The following FAN1 variants were observed in gnomAD, a reference collection of about 807,000 sequenced individuals.
FAN1 encodes the protein fanconi-associated nuclease 1.
FAN1 carries 91 observed loss-of-function variants against 104.9 expected under a neutral mutation model. The ratio of observed to expected loss-of-function variants is 0.87; its 90% CI spans 0.73 to 1.03. FAN1 has a LOEUF of 1.03. Among genes scored for constraint, FAN1 ranks in the 50% least tolerant of loss-of-function variants. The probability of loss-of-function intolerance (pLI) is 0.00; values close to 1 mark genes in which losing one functional copy is unlikely to be tolerated. For missense variants in FAN1, 1,263 were observed against 1,239.9 expected (o/e 1.02, Z -0.28); for synonymous variants, 478 against 457.6 (o/e 1.04, Z -0.57).
At chr15:30,904,325 C>T (rs764610848) in intron 1 of FAN1, among the ~76,000 whole-genome samples, 187 bp from the exon 2 acceptor site, 1 of 152,154 alleles carries the variant, frequency 6.6e-6, no homozygotes, top group Non-Finnish European at 1.5e-5. Flanking sequence ...AAGCCCAGCT[C>T]TGTCATTTTA....
chr15:30,906,027 T>A, intron 2 of FAN1, 130 bp downstream of exon 2: 1 of 811,524 alleles, frequency 1.2e-6, no homozygotes, highest in Non-Finnish European at 2.0e-6. Context: ...CCTGTGGGAG[T>A]GTTCATGGGA....
At chr15:30,906,410 A>G (rs2061980079) in intron 2 of FAN1, 3 of 456,696 alleles carry the variant, frequency 6.6e-6, no homozygotes, top group East Asian at 6.9e-5. Context: ...GTGTGGAGGA[A>G]ATGGAAACTT....
chr15:30,923,755 C>T (rs918320666), intron 8 of FAN1, among the ~76,000 whole-genome samples: 3 of 152,240 alleles, frequency 2.0e-5, no homozygotes, highest in Non-Finnish European at 4.4e-5. Context: ...TTCCTTCAGC[C>T]ACTCAACTCT....
Position 30,910,823 on chromosome 15 carries a change from T to G in FAN1, c.1577+8T>G. 1 of 1,612,632 alleles carries G rather than the reference T, an allele frequency of 6.2e-7. No homozygotes were observed. The highest frequency in any genetic ancestry group is 8.5e-7 in the Non-Finnish European group (1 of 1,179,118). On this transcript the variant is annotated splice_region_variant and intron_variant, in intron 4 of 14. Coordinates refer to ENST00000362065, the MANE Select transcript of FAN1 (RefSeq NM_014967.5). ...TGCAGTGATTTTAAAAAGGTTTTGTTGGCTATTGTTACAGTAAAAACATTT... is the reference window on the plus strand; with the variant it reads ...TGCAGTGATTTTAAAAAGGTTTTGTGGGCTATTGTTACAGTAAAAACATTT...
chr15:30,931,773 ATC>A (rs2062716304), intron 13 of FAN1, among the ~76,000 whole-genome samples: 1 of 151,974 alleles, frequency 6.6e-6, no homozygotes, highest in Non-Finnish European at 1.5e-5. Context: ...GGTTCCATTG[ATC>A]TGTTTGTCTG....
At position 30,921,287 on chromosome 15, in the gene FAN1, CT is replaced by C. The variant is rs1443101911; in HGVS notation, c.2052+637del. 2.0e-5 allele frequency among the ~76,000 whole-genome samples: 3 copies of C among 152,174 alleles called. No homozygotes were observed. In the East Asian group the frequency reaches 5.8e-4, roughly 29 times the overall value. ...AGGTCTGCAGCCTGAGCCTGAGTCT[CT>C]TTCAGAACTCCTTGTGAGACTTGGC... On this transcript the variant is annotated intron_variant, in intron 7 of 14. Transcript: ENST00000362065.
intron 13 of FAN1, among the ~76,000 whole-genome samples, chr15:30,936,050 A>C (rs1340903190): frequency 6.6e-6 from 1 of 151,932 alleles, no homozygotes; most frequent in African/African-American, 2.4e-5. Flanking sequence ...GGGGACTCTA[A>C]TTAAATGTCC....
intron 8 of FAN1, among the ~76,000 whole-genome samples, chr15:30,923,091 C>T (rs2062373515): frequency 6.6e-6 from 1 of 152,184 alleles, no homozygotes; most frequent in African/African-American, 2.4e-5. Flanking sequence ...TTGATTTTTT[C>T]AGTGGCCCAT....
At chr15:30,904,454 T>G (rs2061923295) in intron 1 of FAN1, 58 bp from the exon 2 acceptor site, 1 of 659,766 alleles carries the variant, frequency 1.5e-6, no homozygotes, top group Non-Finnish European at 2.7e-6. Context: ...CAGAGTTCGC[T>G]TTTCCCCTTG....
At position 30,905,202 on chromosome 15, in the gene FAN1, G is replaced by T; in HGVS notation, c.539G>T (p.Ser180Ile). Residue 180 changes from serine (S) to isoleucine (I), a missense_variant, in exon 2 of 15, where the codon AGT becomes ATT. Transcript: ENST00000362065. ...IDKDEEFAGS[S>I]PQSSKSTVVK... ...AAGGATGAAGAATTTGCCGGTTCTA[G>T]TCCACAGAGTTCCAAATCCACAGTT... 1 of 1,613,796 alleles carries T rather than the reference G, an allele frequency of 6.2e-7. No individual in the cohort carries two copies. The highest frequency in any genetic ancestry group is 8.5e-7 in the Non-Finnish European group (1 of 1,179,942).
chr15:30,931,191 C>T (rs1297351750), intron 13 of FAN1, among the ~76,000 whole-genome samples: 1 of 152,184 alleles, frequency 6.6e-6, no homozygotes, highest in Non-Finnish European at 1.5e-5. Flanking sequence ...TATACATCTA[C>T]TATGTACCCA....
chr15:30,941,606 T>C lies in FAN1; in HGVS notation c.*44T>C. 1.2e-6 allele frequency: 2 copies of C among 1,600,708 alleles called. No homozygotes were observed. Among genetic ancestry groups the C allele is most frequent in the Non-Finnish European group, 1.7e-6 (2 of 1,173,154 alleles). The stretch of plus-strand genomic sequence containing the variant: ...AAATGGAAATGAGGAGGAGAGAAAC[T>C]CCGGTGTCCCCGAGGTGTCGGTGTG... On this transcript the variant is annotated 3_prime_UTR_variant, in exon 15 of 15. Coordinates refer to ENST00000362065, the MANE Select transcript of FAN1 (RefSeq NM_014967.5).
rs375180790 is a variant in FAN1 at position 30,930,590 on chromosome 15, G to A, written c.2835G>A (p.Arg945=). 3.1e-6 allele frequency: 5 copies of A among 1,612,902 alleles called. No homozygotes were observed. The highest frequency in any genetic ancestry group is 4.5e-5 in the East Asian group (2 of 44,828). The change falls in exon 13 of 15, where the codon AGG becomes AGA. Residue 945 remains arginine (R), a synonymous_variant. Coordinates refer to ENST00000362065, the MANE Select transcript of FAN1 (RefSeq NM_014967.5). ...GCCCTGTGCTCAGTGGTGTGTGCAG[G>A]CACCTGGCTGCTGACTTTCGACACT... ...LGGPVLSGVC[R]HLAADFRHCR...
At chr15:30,941,177 G>A (rs2140984188) in intron 14 of FAN1, 1 of 1,331,910 alleles carries the variant, frequency 7.5e-7, no homozygotes, top group African/African-American at 1.5e-5. Flanking sequence ...GCCTTCAGGA[G>A]GTGGTAGGAA....
At chr15:30,920,442 C>T (rs2062299888) in intron 6 of FAN1, 103 bp from the exon 7 acceptor site, 1 of 772,536 alleles carries the variant, frequency 1.3e-6, no homozygotes, top group South Asian at 1.6e-5. Context: ...TTAGAATATA[C>T]CTTTTTAAAA....
intron 10 of FAN1, chr15:30,927,492 G>A (rs997943308): frequency 1.0e-6 from 1 of 985,606 alleles, no homozygotes. Context: ...CACAGCCTCA[G>A]AAGTGCAGGA....
At chr15:30,920,735 C>G (rs999156615) in intron 7 of FAN1, 82 bp downstream of exon 7, 1 of 780,072 alleles carries the variant, frequency 1.3e-6, no homozygotes. Flanking sequence ...GGGCTCTCAG[C>G]ATTTCCTGCT....
chr15:30,940,550 A>G (rs1310740500), intron 14 of FAN1: 3 of 985,436 alleles, frequency 3.0e-6, no homozygotes, highest in African/African-American at 1.7e-5. Flanking sequence ...CTGATGGCCA[A>G]GCCCAGCACG....
intron 2 of FAN1, among the ~76,000 whole-genome samples, chr15:30,907,100 A>C (rs1272271963): frequency 6.6e-6 from 1 of 151,222 alleles, no homozygotes; most frequent in African/African-American, 2.4e-5. Flanking sequence ...GTTCTTTTAG[A>C]GACAAGGTTT....
Sources: gnomAD v4.1 joint callset for allele counts (sites outside exome capture counted in the v4.1 genomes callset) on GRCh38, gnomAD v4.1.1 for gene constraint, MANE v1.5 for transcripts, NCBI Gene and HGNC (gene_info 2026-07-23, HGNC 2026-07-21) for gene names.